KCNH5: variants seen among roughly 807,000 people sequenced by gnomAD.
KCNH5 encodes the protein potassium voltage-gated channel subfamily H member 5, also known as voltage-gated delayed rectifier potassium channel KCNH5.
KCNH5 carries 46 observed loss-of-function variants against 96.1 expected under a neutral mutation model. That is an observed-to-expected ratio of 0.48 (90% CI 0.38 to 0.61). The LOEUF is 0.61. Among genes scored for constraint, KCNH5 ranks in the 20% least tolerant of loss-of-function variants. KCNH5 has a pLI of 0.00. For missense variants in KCNH5, 907 were observed against 1,225.8 expected, an observed-to-expected ratio of 0.74 and a Z score of 3.88; for synonymous variants, 439 against 449.8, an observed-to-expected ratio of 0.98 and a Z score of 0.30.
At chr14:63,010,085 T>C (rs1213553632) in intron 2 of KCNH5, among the ~76,000 whole-genome samples, 3 of 152,180 alleles carry the variant, frequency 2.0e-5, no homozygotes, top group Admixed American at 6.5e-5. Context: ...ACTGTTACTT[T>C]ATTGAAAGGA....
intron 1 of KCNH5, among the ~76,000 whole-genome samples, chr14:63,027,111 A>G (rs1032516438): frequency 1.3e-5 from 2 of 151,790 alleles, no homozygotes; most frequent in African/African-American, 4.8e-5. Context: ...GAAAAACACC[A>G]TATGATCTTA....
chr14:62,833,376 T>C (rs1237361919), intron 8 of KCNH5, among the ~76,000 whole-genome samples: 6 of 152,022 alleles, frequency 3.9e-5, no homozygotes, highest in East Asian at 1.9e-4. Context: ...GCTTTCCCAA[T>C]ACCATTTATT....
At chr14:62,873,484 G>A (rs775307800) in intron 7 of KCNH5, among the ~76,000 whole-genome samples, 5 of 152,098 alleles carry the variant, frequency 3.3e-5, no homozygotes, top group Non-Finnish European at 5.9e-5. Flanking sequence ...TCAAGCATGT[G>A]TCAATATATT....
At chr14:62,954,371 A>G (rs1376464534) in intron 6 of KCNH5, among the ~76,000 whole-genome samples, 4 of 152,182 alleles carry the variant, frequency 2.6e-5, no homozygotes, top group South Asian at 2.1e-4. Flanking sequence ...CACACTTACT[A>G]CAAGTCTGTT....
chr14:62,844,794 C>T (rs1887657358), intron 8 of KCNH5, among the ~76,000 whole-genome samples: 1 of 152,114 alleles, frequency 6.6e-6, no homozygotes, highest in African/African-American at 2.4e-5. Context: ...TTAGAGAAAG[C>T]ATTATTCACA....
chr14:62,854,347 A>C lies in KCNH5; in HGVS notation c.1370-4495T>G, dbSNP rs1411596697. Among the ~76,000 whole-genome samples the C allele has an allele frequency of 2.0e-5, 3 of 152,186 alleles. No homozygotes were observed. In the East Asian group the frequency reaches 5.8e-4, roughly 29 times the overall value. On this transcript the variant is annotated intron_variant, in intron 7 of 10. Coordinates refer to ENST00000322893, the MANE Select transcript of KCNH5 (RefSeq NM_139318.5). ...TAAATTCACACACCAAAAACTAAAA[A>C]ACAGTTTTTCAGAAACATTTTATTT...
At position 62,703,487 on chromosome 14, in the gene KCNH5, T is replaced by C. The variant is rs1410388691; in HGVS notation, c.*4021A>G. On this transcript the variant is annotated 3_prime_UTR_variant, in exon 11 of 11. Coordinates refer to ENST00000322893, the MANE Select transcript of KCNH5 (RefSeq NM_139318.5). ...GTTGATATAAGGAAGCAACAGCTGT[T>C]ATCTTTGTTTTCTTATTTATTGGCG... The C allele has an allele frequency of 1.3e-5, 2 of 151,930 alleles. No individual in the cohort carries two copies. Among genetic ancestry groups the C allele is most frequent in the Non-Finnish European group, 3.0e-5 (2 of 67,792 alleles). The allele number at this position is 151,930 out of a possible 1,614,324, so 9.4% of individuals were successfully genotyped here.
chr14:62,973,792 T>A (rs1366501271), intron 6 of KCNH5, among the ~76,000 whole-genome samples: 1 of 152,216 alleles, frequency 6.6e-6, no homozygotes, highest in Non-Finnish European at 1.5e-5. Flanking sequence ...AAATTATCTA[T>A]ACACTTTAAT....
chr14:62,773,064 T>C (rs1886024263), intron 10 of KCNH5, among the ~76,000 whole-genome samples: 1 of 152,174 alleles, frequency 6.6e-6, no homozygotes, highest in Admixed American at 6.5e-5. Context: ...CTATTAAAAA[T>C]GAACACAATC....
At position 62,940,391 on chromosome 14, in the gene KCNH5, A is replaced by T. The variant is rs892310245; in HGVS notation, c.1369+9742T>A. ...CTCCATATATTTACCACCTCAATTT[A>T]TGTCTTCCTGGATTGCTGCAACAGT... On this transcript the variant is annotated intron_variant, in intron 7 of 10. Transcript: ENST00000322893. Among the ~76,000 whole-genome samples the T allele has an allele frequency of 2.6e-5, 4 of 152,170 alleles. No individual in the cohort carries two copies. The South Asian group carries it at 8.3e-4, about 32-fold the overall frequency.
At chr14:63,021,002 T>C (rs1028396568) in intron 1 of KCNH5, among the ~76,000 whole-genome samples, 3 of 152,082 alleles carry the variant, frequency 2.0e-5, no homozygotes, top group African/African-American at 4.8e-5. Flanking sequence ...TAAATGATGT[T>C]TTCTTTTATT....
At chr14:62,724,587 T>C (rs1484322266) in intron 10 of KCNH5, among the ~76,000 whole-genome samples, 2 of 152,192 alleles carry the variant, frequency 1.3e-5, no homozygotes, top group Non-Finnish European at 2.9e-5. Flanking sequence ...AAATCTAGGA[T>C]ACATGAGCTG....
intron 10 of KCNH5, among the ~76,000 whole-genome samples, chr14:62,741,698 T>C (rs989010444): frequency 6.6e-6 from 1 of 152,086 alleles, no homozygotes; most frequent in African/African-American, 2.4e-5. Flanking sequence ...TTGATATTAT[T>C]TTCTATAAAT....
At chr14:62,801,361 A>T (rs1595628580) in intron 9 of KCNH5, among the ~76,000 whole-genome samples, 1 of 135,432 alleles carries the variant, frequency 7.4e-6, no homozygotes. Context: ...TGCAATTCTA[A>T]CTTATTTTAC....
intron 10 of KCNH5, among the ~76,000 whole-genome samples, chr14:62,751,467 T>A (rs1238669068): frequency 3.3e-5 from 5 of 152,200 alleles, no homozygotes; most frequent in Non-Finnish European, 4.4e-5. Context: ...TCAGGCCCCA[T>A]CACTCTTGGA....
intron 6 of KCNH5, among the ~76,000 whole-genome samples, chr14:62,966,217 T>G (rs1425225498): frequency 6.6e-6 from 1 of 152,204 alleles, no homozygotes; most frequent in African/African-American, 2.4e-5. Flanking sequence ...AACTCTGTAT[T>G]TGTATCTGCA....
chr14:62,953,967 A>T (rs1329230696), intron 6 of KCNH5, among the ~76,000 whole-genome samples: 1 of 152,174 alleles, frequency 6.6e-6, no homozygotes, highest in Non-Finnish European at 1.5e-5. Context: ...TATAGGAATA[A>T]ATATTAATTT....
At position 62,723,154 on chromosome 14, in the gene KCNH5, A is replaced by G. The variant is rs1232781055; in HGVS notation, c.2020-14699T>C. ...CTTTAAAGATTTTTTTTTTTACCAT[A>G]AAAGAAATTTTCTACAGCTTGTATT... On this transcript the variant is annotated intron_variant, in intron 10 of 10. Transcript: ENST00000322893. 2.0e-5 allele frequency among the ~76,000 whole-genome samples: 3 copies of G among 152,048 alleles called. 1 individual carries two copies. Among genetic ancestry groups the G allele is most frequent in the Admixed American group, 2.0e-4 (3 of 15,272 alleles).
At chr14:62,906,435 T>C (rs1889029229) in intron 7 of KCNH5, among the ~76,000 whole-genome samples, 1 of 152,202 alleles carries the variant, frequency 6.6e-6, no homozygotes, top group South Asian at 2.1e-4. Context: ...AAGCTCATTC[T>C]GTAACAAAAT....
Sources: allele counts gnomAD v4.1 joint callset (sites outside exome capture counted in the v4.1 genomes callset), GRCh38; gene constraint gnomAD v4.1.1; transcripts MANE v1.5; gene names NCBI Gene and HGNC (gene_info 2026-07-23, HGNC 2026-07-21).